The following BIN2 variants were observed in gnomAD, a reference collection of about 807,000 sequenced individuals.
The protein encoded by BIN2 is bridging integrator 2.
In BIN2, 43 loss-of-function variants were observed where a neutral mutation model predicts 67.9. That is an observed-to-expected ratio of 0.63 (90% CI 0.50 to 0.82). The LOEUF (loss-of-function observed/expected upper bound fraction) is 0.82, where lower values mean the gene tolerates loss of function less well. BIN2 is among the 40% of genes least tolerant of loss of function. BIN2 has a pLI of 0.00. For synonymous variants in BIN2, 244 were observed against 246.8 expected (o/e 0.99, Z 0.11); for missense variants, 581 against 671.6 (o/e 0.87, Z 1.49).
chr12:51,303,009 A>C, intron 3 of BIN2, 78 bp downstream of exon 3: 1 of 1,480,944 alleles, frequency 6.8e-7, no homozygotes, highest in Non-Finnish European at 9.4e-7. Flanking sequence ...ACCTGGGGGT[A>C]TGGCTATTGT....
At chr12:51,295,178 CAAGT>C (rs1260576473) in intron 9 of BIN2, among the ~76,000 whole-genome samples, 3 of 151,948 alleles carry the variant, frequency 2.0e-5, no homozygotes, top group Non-Finnish European at 4.4e-5. Flanking sequence ...CTCCTGATCT[CAAGT>C]AATTCTCCTG....
intron 1 of BIN2, among the ~76,000 whole-genome samples, chr12:51,314,830 T>G (rs1946081296): frequency 6.6e-6 from 1 of 151,924 alleles, no homozygotes; most frequent in Middle Eastern, 3.4e-3. Flanking sequence ...ATAAGGTATA[T>G]CTTTCTGAAT....
At chr12:51,305,194 G>A (rs1312090767) in intron 2 of BIN2, among the ~76,000 whole-genome samples, 1 of 151,812 alleles carries the variant, frequency 6.6e-6, no homozygotes, top group Non-Finnish European at 1.5e-5. Flanking sequence ...AAATTAGCAG[G>A]GTGTGGCGGC....
At chr12:51,301,476 A>G (rs1394245789) in intron 5 of BIN2, among the ~76,000 whole-genome samples, 1 of 152,114 alleles carries the variant, frequency 6.6e-6, no homozygotes, top group Non-Finnish European at 1.5e-5. Flanking sequence ...ATTCGAAATC[A>G]GCCCAAATAT....
At chr12:51,295,538 G>A (rs1279350364) in intron 9 of BIN2, among the ~76,000 whole-genome samples, 4 of 126,182 alleles carry the variant, frequency 3.2e-5, no homozygotes, top group South Asian at 2.5e-4. Context: ...GCTCCAGCCT[G>A]GGCGACAGAG....
At chr12:51,307,196 TG>T (rs991757968) in intron 2 of BIN2, among the ~76,000 whole-genome samples, 1 of 147,844 alleles carries the variant, frequency 6.8e-6, no homozygotes, top group Non-Finnish European at 1.5e-5. Flanking sequence ...GGCAGGAGAA[TG>T]GCTTGAACCC....
Position 51,292,131 on chromosome 12 carries a change from T to G in BIN2, c.975A>C (p.Gly325=). 1 of 1,614,130 alleles carries G rather than the reference T, an allele frequency of 6.2e-7. No homozygotes were observed. The highest frequency in any genetic ancestry group is 1.1e-5 in the South Asian group (1 of 91,088). Reference sequence around the variant, plus strand: ...CTTCCTCAGAGGAGCTTGCTTCAGATCCTTCCTTCTCTATTTCCTCCTCTT... The same window carrying G: ...CTTCCTCAGAGGAGCTTGCTTCAGAGCCTTCCTTCTCTATTTCCTCCTCTT... ...LLEEEEIEKE[G]SEASSSEEDE... is the part of the protein sequence containing the mutation. The change falls in exon 10 of 13, where the codon GGA becomes GGC. Residue 325 remains glycine (G), a synonymous_variant. Transcript: ENST00000615107.
chr12:51,281,556 T>C, intron 12 of BIN2, 28 bp from the exon 13 acceptor site: 1 of 1,613,666 alleles, frequency 6.2e-7, no homozygotes. Context: ...TTGTGTTAGG[T>C]GTTGACCTGC....
intron 5 of BIN2, among the ~76,000 whole-genome samples, chr12:51,301,369 A>G (rs187325316): frequency 6.6e-6 from 1 of 152,268 alleles, no homozygotes; most frequent in Admixed American, 6.5e-5. Flanking sequence ...GAAGATAACT[A>G]TTTGATTGCT....
Position 51,284,928 on chromosome 12 carries a change from C to T in BIN2, c.1597-141G>A, listed in dbSNP as rs982626969. 12 of 628,708 alleles carry T rather than the reference C, an allele frequency of 1.9e-5. No homozygotes were observed. The Admixed American group carries it at 2.9e-4, about 15-fold the overall frequency. The allele number at this position is 628,708 out of a possible 1,614,324, so 38.9% of individuals were successfully genotyped here. On this transcript the variant is annotated intron_variant, in intron 11 of 12. Transcript: ENST00000615107. The stretch of plus-strand genomic sequence containing the variant: ...AAGGGCAAAATACAGTGTTGTTTCA[C>T]CAGAGCCTGAAGGCATCGGGAAAGG...
At chr12:51,293,778 A>G (rs1945457662) in intron 9 of BIN2, among the ~76,000 whole-genome samples, 1 of 152,196 alleles carries the variant, frequency 6.6e-6, no homozygotes. Context: ...AAACTGCAAA[A>G]AAATTCCATT....
chr12:51,286,822 T>A (rs536434989), intron 11 of BIN2, among the ~76,000 whole-genome samples: 75 of 152,276 alleles, frequency 4.9e-4, no homozygotes, highest in African/African-American at 1.7e-3. Flanking sequence ...TCATTTTTAT[T>A]ATTTAAAAAA....
chr12:51,312,315 C>A (rs1436603560), intron 2 of BIN2, among the ~76,000 whole-genome samples: 2 of 152,158 alleles, frequency 1.3e-5, no homozygotes, highest in Non-Finnish European at 2.9e-5. Context: ...GCCTGTTCAA[C>A]CTTGGACTGG....
intron 2 of BIN2, among the ~76,000 whole-genome samples, chr12:51,309,656 A>G (rs1216003889): frequency 6.6e-6 from 1 of 152,074 alleles, no homozygotes; most frequent in Non-Finnish European, 1.5e-5. Flanking sequence ...GATGACAGGC[A>G]TGAGCTGCTG....
intron 2 of BIN2, chr12:51,304,392 G>A (rs1217046957): frequency 1.3e-5 from 2 of 152,260 alleles, no homozygotes; most frequent in African/African-American, 2.4e-5. Context: ...TTCCTCAATT[G>A]TTCCTTATGG....
chr12:51,306,855 T>C (rs767367166), intron 2 of BIN2, among the ~76,000 whole-genome samples: 6 of 152,190 alleles, frequency 3.9e-5, no homozygotes, highest in Non-Finnish European at 8.8e-5. Context: ...GAAAAAAGCT[T>C]AGATAGCCTA....
chr12:51,318,591 A>C (rs1241922495), intron 1 of BIN2, among the ~76,000 whole-genome samples: 1 of 152,144 alleles, frequency 6.6e-6, no homozygotes, highest in Non-Finnish European at 1.5e-5. Context: ...GGTGTGTCTC[A>C]TTCCTGGAGC....
intron 4 of BIN2, chr12:51,302,343 G>C: frequency 1.8e-6 from 1 of 543,610 alleles, no homozygotes; most frequent in South Asian, 2.2e-5. Context: ...CAGGGCACAA[G>C]GTCAAAGCCT....
chr12:51,313,793 C>T, intron 2 of BIN2, 30 bp downstream of exon 2: 1 of 1,586,150 alleles, frequency 6.3e-7, no homozygotes, highest in Non-Finnish European at 8.7e-7. Flanking sequence ...TTTCTTCTTC[C>T]AAGCTTCCCT....
Sources: gnomAD v4.1 joint callset for allele counts (sites outside exome capture counted in the v4.1 genomes callset) on GRCh38, gnomAD v4.1.1 for gene constraint, MANE v1.5 for transcripts, NCBI Gene and HGNC (gene_info 2026-07-23, HGNC 2026-07-21) for gene names.